The following ASB2 variants were observed in gnomAD, a reference collection of about 807,000 sequenced individuals.
ASB2 encodes ankyrin repeat and SOCS box containing 2.
Under a neutral mutation model 62.4 loss-of-function variants are expected in ASB2, and 58 were observed. The ratio of observed to expected loss-of-function variants is 0.93; its 90% confidence interval spans 0.75 to 1.16. The LOEUF is 1.16. ASB2 is among the 50% of genes most tolerant of loss of function. ASB2 has a pLI of 0.00. For synonymous variants in ASB2, 386 were observed against 385.3 expected (o/e 1.00, Z -0.02); for missense variants, 928 against 887.9 (o/e 1.05, Z -0.57).
Position 93,953,398 on chromosome 14 carries a change from T to C in ASB2, c.588A>G (p.Ala196=). 1 of 1,602,110 alleles carries C rather than the reference T, an allele frequency of 6.2e-7. No individual in the cohort carries two copies. The highest frequency in any genetic ancestry group is 8.5e-7 in the Non-Finnish European group (1 of 1,170,374). ...GGGATTTGTTGGAGATGTCCGGCTC[T>C]GCCCCTGCTTGGAGCAGTGACAGGA... The part of the protein sequence containing the change: ...DCLLSLLQAG[A]EPDISNKSRE... The change falls in exon 5 of 10, where the codon GCA becomes GCG. Residue 196 remains alanine (A), a synonymous_variant. Transcript: ENST00000555019.
intron 9 of ASB2, among the ~76,000 whole-genome samples, chr14:93,935,522 A>C (rs1888243123): frequency 6.6e-6 from 1 of 152,214 alleles, no homozygotes; most frequent in South Asian, 2.1e-4. Context: ...GTGCCTGCCC[A>C]GAGGCTCTAG....
chr14:93,956,189 C>G (rs186248945), intron 3 of ASB2, among the ~76,000 whole-genome samples: 1 of 152,134 alleles, frequency 6.6e-6, no homozygotes, highest in Non-Finnish European at 1.5e-5. Flanking sequence ...TTCTAAGGAG[C>G]GCATTAGCCC....
chr14:93,960,753 T>C (rs1950348), intron 2 of ASB2, among the ~76,000 whole-genome samples: 99,103 of 152,020 alleles, frequency 0.65, 34,047 homozygotes, highest in East Asian at 0.97. Flanking sequence ...AAATGGTTTT[T>C]AACAGAATTC....
chr14:93,962,107 CTT>C (rs35800977), intron 2 of ASB2, among the ~76,000 whole-genome samples: 1,579 of 72,724 alleles, frequency 0.022, 7 homozygotes, highest in African/African-American at 0.057. Context: ...ATTAAACATT[CTT>C]TTTTTTTTTT....
intron 6 of ASB2, 72 bp downstream of exon 6, chr14:93,950,927 A>C: frequency 1.1e-4 from 167 of 1,525,064 alleles, no homozygotes; most frequent in Non-Finnish European, 1.4e-4. Flanking sequence ...GCCTTCCCTT[A>C]GAGCTGACCT....
At chr14:93,938,118 A>G (rs923208439) in intron 8 of ASB2, among the ~76,000 whole-genome samples, 11 of 151,932 alleles carry the variant, frequency 7.2e-5, no homozygotes, top group Admixed American at 7.2e-4. Context: ...CATGAGAATT[A>G]GGTAATATGA....
chr14:93,965,171 A>G (rs1234267664), intron 1 of ASB2, among the ~76,000 whole-genome samples: 1 of 152,096 alleles, frequency 6.6e-6, no homozygotes, highest in East Asian at 1.9e-4. Context: ...TCATCCACTC[A>G]TCCATTGTTT....
Position 93,939,442 on chromosome 14 carries a change from T to A in ASB2, c.1283A>T (p.Glu428Val), listed in dbSNP as rs961689810. The change falls in exon 8 of 10, where the codon GAG (glutamate) becomes GTG (valine). Residue 428 changes from glutamate to valine, a missense_variant. Transcript: ENST00000555019. ...AVVNNNVYAT[E>V]LLLQHGADPN... ...GTCGGCGCCGTGTTGCAGCAGCAGC[T>A]CGGTGGCGTACACGTTGTTGTTGAC... 4.3e-6 allele frequency: 7 copies of A among 1,612,476 alleles called. No individual in the cohort carries two copies. Among genetic ancestry groups the A allele is most frequent in the African/African-American group, 1.3e-5 (1 of 74,880 alleles).
Position 93,939,354 on chromosome 14 carries a change from C to A in ASB2, c.1371G>T (p.Met457Ile), listed in dbSNP as rs557061657. 1.2e-6 allele frequency: 2 copies of A among 1,612,648 alleles called. No homozygotes were observed. The stretch of plus-strand genomic sequence containing the variant: ...TCGCGCCGTGGTCCAGCAGCAGCTG[C>A]ATTGTGCGCAGGCAGCCGTGGCGGA... ...VAIRHGCLRT[M>I]QLLLDHGANI... The change falls in exon 8 of 10, where the codon ATG becomes ATT. Residue 457 changes from methionine to isoleucine, a missense_variant. Coordinates refer to ENST00000555019, the MANE Select transcript of ASB2 (RefSeq NM_001202429.2).
Position 93,934,313 on chromosome 14 carries a change from A to G in ASB2, c.*343T>C. The G allele has an allele frequency of 4.3e-6, 2 of 463,982 alleles. No homozygotes were observed. The highest frequency in any genetic ancestry group is 3.3e-5 in the South Asian group (2 of 60,910). 28.7% of individuals were successfully genotyped at this position (463,982 alleles called of 1,614,324 possible). ...GTGGTGAGTTTTCCAGAACAAGTGGAGGGGCACAGGGAAGGCTCTGAGCAC... is the reference window on the plus strand; with the variant it reads ...GTGGTGAGTTTTCCAGAACAAGTGGGGGGGCACAGGGAAGGCTCTGAGCAC... On this transcript the variant is annotated 3_prime_UTR_variant, in exon 10 of 10. Coordinates refer to ENST00000555019, the MANE Select transcript of ASB2 (RefSeq NM_001202429.2).
intron 5 of ASB2, among the ~76,000 whole-genome samples, chr14:93,952,961 C>G (rs1889027510): frequency 6.6e-6 from 1 of 152,198 alleles, no homozygotes; most frequent in Admixed American, 6.5e-5. Context: ...CTGTGCGGTT[C>G]CCGCTGCTTG....
At chr14:93,957,057 T>C in intron 2 of ASB2, 187 bp from the exon 3 acceptor site, 1 of 1,474,022 alleles carries the variant, frequency 6.8e-7, no homozygotes, top group Non-Finnish European at 9.0e-7. Context: ...TGTCTCCGGA[T>C]TATTTTTGGC....
At chr14:93,966,142 C>T (rs1889585260) in intron 1 of ASB2, among the ~76,000 whole-genome samples, 3 of 152,270 alleles carry the variant, frequency 2.0e-5, no homozygotes, top group African/African-American at 4.8e-5. Context: ...AAGTTCACTG[C>T]ATGGCTGGCC....
chr14:93,961,246 A>T (rs550432955), intron 2 of ASB2, among the ~76,000 whole-genome samples: 2 of 152,368 alleles, frequency 1.3e-5, no homozygotes, highest in South Asian at 2.1e-4. Flanking sequence ...TGTTGCTGTT[A>T]TAAAGATGAG....
At position 93,939,160 on chromosome 14, in the gene ASB2, G is replaced by C. The variant is rs1888397335; in HGVS notation, c.1565C>G (p.Ser522Cys). Residue 522 changes from serine to cysteine, a missense_variant, in exon 8 of 10, where the codon TCC becomes TGC. Ser to Cys is a moderately radical substitution (Grantham distance 112). Transcript: ENST00000555019. ...NGPHPPAPQP[S>C]SRFNDAPAAD... ...CGCGGGCGCGTCGTTGAACCTGCTG[G>C]AGGGCTGCGGGGCCGGCGGGTGCGG... 4 of 1,588,488 alleles carry C rather than the reference G, an allele frequency of 2.5e-6. No individual in the cohort carries two copies. Among genetic ancestry groups the C allele is most frequent in the Non-Finnish European group, 3.4e-6 (4 of 1,163,322 alleles).
At chr14:93,957,820 G>C (rs905082097) in intron 2 of ASB2, among the ~76,000 whole-genome samples, 1 of 152,310 alleles carries the variant, frequency 6.6e-6, no homozygotes, top group Admixed American at 6.5e-5. Context: ...CGTGAGAACA[G>C]GGTATATGGC....
At chr14:93,965,013 A>T (rs1889543721) in intron 1 of ASB2, among the ~76,000 whole-genome samples, 1 of 151,654 alleles carries the variant, frequency 6.6e-6, no homozygotes, top group African/African-American at 2.4e-5. Context: ...TCTCAGCACT[A>T]CTCATCATTC....
intron 2 of ASB2, among the ~76,000 whole-genome samples, chr14:93,961,773 G>A (rs1324100053): frequency 6.6e-6 from 1 of 152,238 alleles, no homozygotes; most frequent in Non-Finnish European, 1.5e-5. Flanking sequence ...GAGGGCACAA[G>A]TGCGTGTGTG....
intron 1 of ASB2, among the ~76,000 whole-genome samples, chr14:93,971,066 C>G (rs765201282): frequency 3.9e-5 from 6 of 152,220 alleles, no homozygotes; most frequent in Non-Finnish European, 2.9e-5. Flanking sequence ...GCTGGCGGTT[C>G]TCTAGGAGGC....
Sources: allele counts gnomAD v4.1 joint callset (sites outside exome capture counted in the v4.1 genomes callset), GRCh38; gene constraint gnomAD v4.1.1; transcripts MANE v1.5; gene names NCBI Gene and HGNC (gene_info 2026-07-23, HGNC 2026-07-21).